Variants in FNDC1 observed in about 807,000 individuals in gnomAD.
FNDC1 encodes fibronectin type III domain-containing protein 1.
Under a neutral mutation model 168.0 loss-of-function variants are expected in FNDC1, and 96 were observed. The ratio of observed to expected loss-of-function variants is 0.57; its 90% CI spans 0.48 to 0.68. The LOEUF (loss-of-function observed/expected upper bound fraction) is 0.68, where lower values mean the gene tolerates loss of function less well. Among genes scored for constraint, FNDC1 ranks in the 30% least tolerant of loss-of-function variants. The probability of loss-of-function intolerance (pLI) is 0.00; values close to 1 mark genes in which losing one functional copy is unlikely to be tolerated. For synonymous variants in FNDC1, 1,099 were observed against 1,025.9 expected (o/e 1.07, Z -1.36); for missense variants, 2,587 against 2,482.1 (o/e 1.04, Z -0.90).
chr6:159,177,139 A>G (rs73799323), intron 1 of FNDC1, among the ~76,000 whole-genome samples: 3,614 of 152,220 alleles, frequency 0.024, 124 homozygotes, highest in African/African-American at 0.081. Flanking sequence ...TGTGGTTCCC[A>G]AGGAAAGACC....
intron 16 of FNDC1, among the ~76,000 whole-genome samples, chr6:159,251,068 T>A (rs1052493688): frequency 6.6e-6 from 1 of 152,188 alleles, no homozygotes; most frequent in African/African-American, 2.4e-5. Context: ...GCATAGTCAT[T>A]GATGTCCATG....
intron 1 of FNDC1, among the ~76,000 whole-genome samples, chr6:159,194,984 T>C (rs1164049994): frequency 1.3e-5 from 2 of 152,006 alleles, no homozygotes; most frequent in East Asian, 3.9e-4. Flanking sequence ...GAAATGAAAA[T>C]ATCTCATCAG....
rs550830142 is a variant in FNDC1 at position 159,218,113 on chromosome 6, C to T, written c.667+2962C>T. On this transcript the variant is annotated intron_variant, in intron 5 of 22. Coordinates refer to ENST00000297267, the MANE Select transcript of FNDC1 (RefSeq NM_032532.3). ...ACGGACAGCTTGCTTTGTTCTGAGC[C>T]TTCCGGGAACGGCACACACTAAAGT... Among the ~76,000 whole-genome samples, 7 of 152,286 alleles carry T rather than the reference C, an allele frequency of 4.6e-5. No homozygotes were observed. The East Asian group carries it at 1.2e-3, about 25-fold the overall frequency.
At chr6:159,184,672 C>T (rs1781955638) in intron 1 of FNDC1, among the ~76,000 whole-genome samples, 1 of 151,986 alleles carries the variant, frequency 6.6e-6, no homozygotes, top group Admixed American at 6.6e-5. Flanking sequence ...TACAGTAATG[C>T]CCAAGTGTTT....
Position 159,261,241 on chromosome 6 carries a change from C to T in FNDC1, c.5226C>T (p.Ser1742=), listed in dbSNP as rs145416480. ...AQNPHGYGPI[S]PSVSFVTESD... is the part of the protein sequence containing the mutation. Reference sequence around the variant, plus strand: ...ATCCTCATGGCTACGGACCTATCAGCCCTTCGGTCTCATTTGTCACCGAAT... The same window carrying T: ...ATCCTCATGGCTACGGACCTATCAGTCCTTCGGTCTCATTTGTCACCGAAT... The change falls in exon 19 of 23, where the codon AGC becomes AGT. Residue 1742 remains serine (S), a synonymous_variant. Coordinates refer to ENST00000297267, the MANE Select transcript of FNDC1 (RefSeq NM_032532.3). 2.4e-5 allele frequency: 38 copies of T among 1,613,032 alleles called. No individual in the cohort carries two copies. In the African/African-American group the frequency reaches 4.5e-4, roughly 19 times the overall value.
chr6:159,269,597 GTCTATCTATCTATCTA>G lies in FNDC1; in HGVS notation c.5570-1690_5570-1675del, dbSNP rs201581423. On this transcript the variant is annotated intron_variant, in intron 22 of 22. Transcript: ENST00000297267. The stretch of plus-strand genomic sequence containing the variant: ...ATCCTATCTGTCTGTCTGTCTGTCT[GTCTATCTATCTATCTA>G]TCTATCTATCTATCTATCTATCTAT... 1.5e-3 allele frequency among the ~76,000 whole-genome samples: 185 copies of G among 123,942 alleles called. 1 individual carries two copies. Among genetic ancestry groups the G allele is most frequent in the South Asian group, 2.0e-3 (7 of 3,552 alleles). 81.3% of individuals were successfully genotyped at this position (123,942 alleles called of 152,430 possible). A position where few individuals can be genotyped will look rare whatever the true frequency, so the allele number is the denominator to read the frequency against.
Position 159,234,391 on chromosome 6 carries a change from C to T in FNDC1, c.3879C>T (p.Thr1293=). 3 of 1,613,542 alleles carry T rather than the reference C, an allele frequency of 1.9e-6. No homozygotes were observed. The highest frequency in any genetic ancestry group is 2.5e-6 in the Non-Finnish European group (3 of 1,179,778). Residue 1293 remains threonine (T), a synonymous_variant, in exon 11 of 23, where the codon ACC becomes ACT. Coordinates refer to ENST00000297267, the MANE Select transcript of FNDC1 (RefSeq NM_032532.3). ...CCCCACCTGGCCACTTCTCCACCAC[C>T]CCGATGCTGTCCTTGCGCCAGAGGA... ...TRAPPGHFST[T]PMLSLRQRMM...
chr6:159,236,339 C>T (rs754739174), intron 12 of FNDC1, 24 bp downstream of exon 12: 1 of 1,511,850 alleles, frequency 6.6e-7, no homozygotes, highest in Non-Finnish European at 9.2e-7. Flanking sequence ...CTTTACACAT[C>T]CCCGTTGTTT....
chr6:159,190,266 T>G (rs1782105692), intron 1 of FNDC1, among the ~76,000 whole-genome samples: 1 of 152,172 alleles, frequency 6.6e-6, no homozygotes, highest in Admixed American at 6.5e-5. Context: ...TGTGGTGCCA[T>G]AGAGCACAAC....
intron 1 of FNDC1, among the ~76,000 whole-genome samples, chr6:159,176,910 C>T (rs117142653): frequency 3.0e-3 from 459 of 152,250 alleles, no homozygotes; most frequent in Non-Finnish European, 4.4e-3. Context: ...TATATTGTAT[C>T]GCCTCCAGTC....
chr6:159,236,314 G>C lies in FNDC1; in HGVS notation c.4067G>C (p.Trp1356Ser). The change falls in exon 12 of 23, where the codon TGG becomes TCG. Residue 1356 changes from tryptophan (W) to serine (S), a missense_variant and splice_region_variant. Coordinates refer to ENST00000297267, the MANE Select transcript of FNDC1 (RefSeq NM_032532.3). ...RIINGPQGTK[W>S]VVDLDRGLVL... ...ATCAATGGCCCTCAAGGAACAAAGT[G>C]GGTAGGGTAAACTTCTTTACACATC... 1 of 1,610,224 alleles carries C rather than the reference G, an allele frequency of 6.2e-7. No individual in the cohort carries two copies. Among genetic ancestry groups the C allele is most frequent in the Non-Finnish European group, 8.5e-7 (1 of 1,176,836 alleles).
chr6:159,206,823 C>A (rs1782495213), intron 4 of FNDC1, among the ~76,000 whole-genome samples: 1 of 152,326 alleles, frequency 6.6e-6, no homozygotes, highest in African/African-American at 2.4e-5. Flanking sequence ...GTTTGCACAG[C>A]CAGATCCATG....
intron 1 of FNDC1, among the ~76,000 whole-genome samples, chr6:159,179,981 G>C (rs1781845885): frequency 6.6e-6 from 1 of 152,236 alleles, no homozygotes; most frequent in African/African-American, 2.4e-5. Context: ...GTTGCTTTGT[G>C]TTGGAAGTCC....
rs764340077 is a variant in FNDC1 at position 159,261,141 on chromosome 6, A to G, written c.5175-49A>G. The G allele has an allele frequency of 2.4e-5, 35 of 1,462,202 alleles. No individual in the cohort carries two copies. In the African/African-American group the frequency reaches 4.5e-4, roughly 19 times the overall value. 90.6% of individuals were successfully genotyped at this position (1,462,202 alleles called of 1,614,324 possible). On this transcript the variant is annotated intron_variant, in intron 18 of 22. Transcript: ENST00000297267. The stretch of plus-strand genomic sequence containing the variant: ...AGTTTGGGAGTCTGTTTTGTTACAC[A>G]GAAATCAAATACATGTCTCTTTCAA...
In FNDC1 at chr6:159,233,611, C is replaced by T; in HGVS notation, c.3099C>T (p.Leu1033=). ...GTCGGTCACCTTCCCAGCCCAGGCT[C>T]TCACTGACCCAGGCCGGGCGGCCCC... The part of the protein sequence containing the change: ...DAGRSPSQPR[L]SLTQAGRPRP... Residue 1033 remains leucine, a synonymous_variant, in exon 11 of 23, where the codon CTC becomes CTT. Transcript: ENST00000297267. This position sits in a 1 kb window ranked among gnomAD's most constrained non-coding sequence, Gnocchi z 4.6. 1 of 1,574,696 alleles carries T rather than the reference C, an allele frequency of 6.4e-7. No individual in the cohort carries two copies. The highest frequency in any genetic ancestry group is 1.7e-4 in the Middle Eastern group (1 of 6,024).
rs1364001630 is a variant in FNDC1, at chr6:159,215,136, G to A, written c.652G>A (p.Glu218Lys). ...VPLTRDERTH[E>K]IKKLASESVY... ...ACTGACAAGAGATGAACGGACACAC[G>A]AAATTAAAAAGCTAGGTGAGTTTCA... Residue 218 changes from glutamate to lysine, a missense_variant, in exon 5 of 23, where the codon GAA becomes AAA. Glu to Lys is a moderately conservative substitution (Grantham distance 56). Coordinates refer to ENST00000297267, the MANE Select transcript of FNDC1 (RefSeq NM_032532.3). 2 of 1,613,510 alleles carry A rather than the reference G, an allele frequency of 1.2e-6. No individual in the cohort carries two copies. The highest frequency in any genetic ancestry group is 1.7e-6 in the Non-Finnish European group (2 of 1,179,542).
At chr6:159,254,478 A>G (rs1419509279) in intron 17 of FNDC1, among the ~76,000 whole-genome samples, 2 of 152,178 alleles carry the variant, frequency 1.3e-5, no homozygotes, top group Non-Finnish European at 2.9e-5. Flanking sequence ...TCTCCAGAGC[A>G]TCTCAGACTT....
chr6:159,247,752 A>C (rs1485487745), intron 15 of FNDC1, among the ~76,000 whole-genome samples: 3 of 151,930 alleles, frequency 2.0e-5, no homozygotes, highest in African/African-American at 7.3e-5. Flanking sequence ...CAAAAAAAAC[A>C]CTTTTTTTTT....
At position 159,239,562 on chromosome 6, in the gene FNDC1, T is replaced by C; in HGVS notation, c.4226T>C (p.Phe1409Ser). 1.9e-6 allele frequency: 3 copies of C among 1,604,654 alleles called. No homozygotes were observed. The highest frequency in any genetic ancestry group is 2.6e-6 in the Non-Finnish European group (3 of 1,175,378). ...GTGAGTCCTGACGGCCTCCCACTCT[T>C]TGGGCAGGGGCGACATGGCACACCT... ...PVVSPDGLPLFGQGRHGTPLA... is the reference protein window; with the variant it reads ...PVVSPDGLPLSGQGRHGTPLA... The change falls in exon 14 of 23, where the codon TTT becomes TCT. Residue 1409 changes from phenylalanine (F) to serine (S), a missense_variant. Coordinates refer to ENST00000297267, the MANE Select transcript of FNDC1 (RefSeq NM_032532.3).
Sources: allele counts gnomAD v4.1 joint callset (sites outside exome capture counted in the v4.1 genomes callset), GRCh38; gene constraint gnomAD v4.1.1; non-coding constraint Gnocchi (gnomAD v3.1); transcripts MANE v1.5; gene names NCBI Gene and HGNC (gene_info 2026-07-23, HGNC 2026-07-21).